Variants in FAN1 observed in about 807,000 individuals in gnomAD.
FAN1 encodes fanconi-associated nuclease 1.
In FAN1, 91 loss-of-function variants were observed where a neutral mutation model predicts 104.9. That is an observed-to-expected ratio of 0.87 (90% confidence interval 0.73 to 1.03). The LOEUF is 1.03. Among genes scored for constraint, FAN1 ranks in the 50% least tolerant of loss-of-function variants. The pLI, the probability that FAN1 is intolerant of heterozygous loss-of-function variation, is 0.00. For synonymous variants in FAN1, 478 were observed against 457.6 expected, an observed-to-expected ratio of 1.04 and a Z score of -0.57; for missense variants, 1,263 against 1,239.9, an observed-to-expected ratio of 1.02 and a Z score of -0.28.
intron 2 of FAN1, 77 bp downstream of exon 2, chr15:30,905,974 G>C: frequency 4.5e-6 from 6 of 1,339,162 alleles, no homozygotes; most frequent in Non-Finnish European, 5.2e-6. Flanking sequence ...GTGATGGGCA[G>C]TAATCTAGTG....
At chr15:30,933,489 T>G (rs1474469213) in intron 13 of FAN1, among the ~76,000 whole-genome samples, 1 of 152,230 alleles carries the variant, frequency 6.6e-6, no homozygotes, top group Non-Finnish European at 1.5e-5. Context: ...GAGGACATAT[T>G]TTGTATGATT....
chr15:30,935,278 A>C (rs1313077025), intron 13 of FAN1, among the ~76,000 whole-genome samples: 1 of 152,062 alleles, frequency 6.6e-6, no homozygotes, highest in Non-Finnish European at 1.5e-5. Flanking sequence ...ACTGTATACC[A>C]GCCTGGGCAA....
At chr15:30,930,247 C>T (rs900752907) in intron 12 of FAN1, among the ~76,000 whole-genome samples, 8 of 151,804 alleles carry the variant, frequency 5.3e-5, no homozygotes, top group South Asian at 2.1e-4. Flanking sequence ...GCCATGCTGT[C>T]GCGTTCCTGA....
intron 14 of FAN1, chr15:30,939,201 T>C: frequency 1.0e-6 from 1 of 985,386 alleles, no homozygotes; most frequent in South Asian, 4.7e-5. Context: ...ATAAAGTTAG[T>C]TAGCTATTTT....
intron 8 of FAN1, among the ~76,000 whole-genome samples, chr15:30,923,040 G>T (rs971536360): frequency 6.6e-6 from 1 of 152,200 alleles, no homozygotes; most frequent in African/African-American, 2.4e-5. Context: ...TTCCAGCCCT[G>T]CATTTGAGTT....
At chr15:30,926,065 G>T in intron 10 of FAN1, 126 bp downstream of exon 10, 2 of 943,882 alleles carry the variant, frequency 2.1e-6, no homozygotes, top group Non-Finnish European at 1.6e-6. Flanking sequence ...GATGCTGTGG[G>T]CTGGGGGATG....
At chr15:30,909,970 G>A (rs903854648) in intron 3 of FAN1, among the ~76,000 whole-genome samples, 10 of 152,230 alleles carry the variant, frequency 6.6e-5, no homozygotes, top group Admixed American at 3.9e-4. Context: ...GTTACGCTGG[G>A]AGGCTAGCTC....
intron 14 of FAN1, chr15:30,940,137 C>T (rs1191443396): frequency 3.0e-6 from 3 of 985,264 alleles, no homozygotes; most frequent in Non-Finnish European, 3.6e-6. Flanking sequence ...GTTTAAGAAA[C>T]AGTCAAATTT....
At chr15:30,923,686 G>A (rs554972088) in intron 8 of FAN1, among the ~76,000 whole-genome samples, 2 of 152,308 alleles carry the variant, frequency 1.3e-5, no homozygotes, top group East Asian at 3.9e-4. Context: ...GCCGCTGCCC[G>A]GCACCGTCTT....
chr15:30,930,763 C>T, intron 13 of FAN1, 92 bp downstream of exon 13: 1 of 1,482,704 alleles, frequency 6.7e-7, no homozygotes, highest in South Asian at 1.2e-5. Flanking sequence ...TGGCTGTTGG[C>T]AAGATTGAAT....
intron 13 of FAN1, among the ~76,000 whole-genome samples, chr15:30,931,286 TTTG>T (rs1241023091): frequency 1.3e-5 from 2 of 151,852 alleles, no homozygotes; most frequent in African/African-American, 4.9e-5. Flanking sequence ...TCACTGGTGA[TTTG>T]TTTTCTCATT....
intron 2 of FAN1, 93 bp downstream of exon 2, chr15:30,905,990 A>ACT: frequency 8.4e-7 from 1 of 1,191,236 alleles, no homozygotes; most frequent in Non-Finnish European, 1.2e-6. Flanking sequence ...TAGTGACCGC[A>ACT]AGGAGTCACT....
At chr15:30,911,766 A>C in intron 4 of FAN1, 1 of 959,166 alleles carries the variant, frequency 1.0e-6, no homozygotes, top group South Asian at 4.8e-5. Context: ...GTAAACATTA[A>C]ATTTAGCCAC....
chr15:30,929,435 G>T (rs1422902013), intron 12 of FAN1, 38 bp downstream of exon 12: 2 of 1,531,866 alleles, frequency 1.3e-6, no homozygotes, highest in South Asian at 2.4e-5. Flanking sequence ...TGCTCAGAAA[G>T]TTAACACCGC....
chr15:30,911,527 T>C, intron 4 of FAN1: 1 of 982,858 alleles, frequency 1.0e-6, no homozygotes, highest in Non-Finnish European at 1.2e-6. Flanking sequence ...GAAACATAGG[T>C]GTAATAAGGC....
intron 2 of FAN1, among the ~76,000 whole-genome samples, chr15:30,906,718 GCA>G (rs1278003644): frequency 6.6e-6 from 1 of 152,170 alleles, no homozygotes; most frequent in Non-Finnish European, 1.5e-5. Context: ...TTTTAAATTC[GCA>G]CAGTGAAATT....
At chr15:30,919,692 G>GAAA (rs57795513) in intron 6 of FAN1, among the ~76,000 whole-genome samples, 1 of 129,376 alleles carries the variant, frequency 7.7e-6, no homozygotes, top group African/African-American at 2.9e-5. Context: ...CTGTCTCGGG[G>GAAA]AAAAAAAAAA....
intron 3 of FAN1, among the ~76,000 whole-genome samples, chr15:30,908,763 C>T (rs1261665425): frequency 1.3e-5 from 2 of 152,144 alleles, no homozygotes; most frequent in Admixed American, 6.5e-5. Flanking sequence ...ATCACTTGAA[C>T]CCGGGAGGCT....
Position 30,941,353 on chromosome 15 carries a change from T to G in FAN1, c.*4-213T>G, listed in dbSNP as rs1053124285. 11 of 1,536,646 alleles carry G rather than the reference T, an allele frequency of 7.2e-6. No individual in the cohort carries two copies. The Admixed American group carries it at 2.0e-4, about 28-fold the overall frequency. On this transcript the variant is annotated intron_variant, in intron 14 of 14. Transcript: ENST00000362065. Reference sequence around the variant, plus strand: ...CATGTTTTTAAATATTAGTGCAAATTCCAACTATTATTCTTACATATAAAG... The same window carrying G: ...CATGTTTTTAAATATTAGTGCAAATGCCAACTATTATTCTTACATATAAAG...
Sources: allele counts gnomAD v4.1 joint callset (sites outside exome capture counted in the v4.1 genomes callset), GRCh38; gene constraint gnomAD v4.1.1; transcripts MANE v1.5; gene names NCBI Gene and HGNC (gene_info 2026-07-23, HGNC 2026-07-21).